The following TRIM31 variants were observed in gnomAD, a reference collection of about 807,000 sequenced individuals.
TRIM31 encodes E3 ubiquitin-protein ligase TRIM31.
A neutral mutation model predicts 40.6 loss-of-function variants in TRIM31; 31 were observed. The ratio of observed to expected loss-of-function variants is 0.76; its 90% confidence interval spans 0.57 to 1.03. The LOEUF is 1.03. Ranked by LOEUF, TRIM31 falls within the 50% of genes least tolerant of loss-of-function variation. The pLI, the probability that TRIM31 is intolerant of heterozygous loss-of-function variation, is 0.00. For missense variants in TRIM31, 455 were observed against 497.5 expected (o/e 0.91, Z 0.81); for synonymous variants, 164 against 193.9 (o/e 0.85, Z 1.28).
chr6:30,106,034 G>C (rs897945731), intron 6 of TRIM31, among the ~76,000 whole-genome samples: 2 of 152,256 alleles, frequency 1.3e-5, no homozygotes, highest in African/African-American at 4.8e-5. Flanking sequence ...CCTGCCAGAA[G>C]AGACTCCTTT....
At chr6:30,108,242 G>T in intron 5 of TRIM31, 74 bp from the exon 6 acceptor site, 2 of 1,030,238 alleles carry the variant, frequency 1.9e-6, no homozygotes, top group Non-Finnish European at 3.0e-6. Context: ...TGAGATACGC[G>T]GTTGAGAAAT....
chr6:30,109,575 A>G (rs963826180), intron 4 of TRIM31, among the ~76,000 whole-genome samples: 4 of 152,296 alleles, frequency 2.6e-5, no homozygotes, highest in Middle Eastern at 3.4e-3. Flanking sequence ...ATTTTTACTA[A>G]TTCAAATTTA....
chr6:30,108,840 A>G (rs1200486456), intron 5 of TRIM31, 186 bp downstream of exon 5: 1 of 663,124 alleles, frequency 1.5e-6, no homozygotes, highest in Non-Finnish European at 2.7e-6. Context: ...TGGTTTCTTT[A>G]ACAACCAACC....
In TRIM31 at chr6:30,103,200, G is replaced by A; in HGVS notation, c.*336C>T. 1 of 389,178 alleles carries A rather than the reference G, an allele frequency of 2.6e-6. No individual in the cohort carries two copies. The highest frequency in any genetic ancestry group is 4.7e-6 in the Non-Finnish European group (1 of 212,268). The allele number at this position is 389,178 out of a possible 1,614,324, so 24.1% of individuals were successfully genotyped here. A position where few individuals can be genotyped will look rare whatever the true frequency, so the allele number is the denominator to read the frequency against. On this transcript the variant is annotated 3_prime_UTR_variant, in exon 9 of 9. Coordinates refer to ENST00000376734, the MANE Select transcript of TRIM31 (RefSeq NM_007028.5). Reference sequence around the variant, plus strand: ...GCTGAACTGGTGCCTTCGGTAAACAGCTGCTTAAAGAGTGCGGGGACTGCT... The same window carrying A: ...GCTGAACTGGTGCCTTCGGTAAACAACTGCTTAAAGAGTGCGGGGACTGCT...
At chr6:30,110,039 A>AAC (rs1769136274) in intron 4 of TRIM31, among the ~76,000 whole-genome samples, 1 of 151,022 alleles carries the variant, frequency 6.6e-6, no homozygotes, top group African/African-American at 2.4e-5. Context: ...AAAAAAAAAA[A>AAC]AAAAAAAACC....
At chr6:30,107,822 G>A in intron 6 of TRIM31, 1 of 483,420 alleles carries the variant, frequency 2.1e-6, no homozygotes, top group Non-Finnish European at 3.8e-6. Context: ...GGCCCTCTAT[G>A]GCTCTCGCAG....
rs1562034466 is a variant in TRIM31, at chr6:30,105,248, GA to G, written c.884-7del. The G allele has an allele frequency of 6.2e-7, 1 of 1,610,966 alleles. No homozygotes were observed. The stretch of plus-strand genomic sequence containing the variant: ...CCTATCAGCCTGGAGTTGGTCTGGG[GA>G]ATAAAGAATGGGATGAAATGGTGAG... On this transcript the variant is annotated splice_region_variant and splice_polypyrimidine_tract_variant and intron_variant, in intron 6 of 8. Transcript: ENST00000376734.
intron 6 of TRIM31, among the ~76,000 whole-genome samples, chr6:30,106,433 C>G (rs1433343888): frequency 4.6e-5 from 7 of 152,194 alleles, no homozygotes; most frequent in Non-Finnish European, 7.3e-5. Context: ...GTTCCAGACC[C>G]AGTCACCCCG....
intron 5 of TRIM31, chr6:30,108,596 G>A (rs1218910138): frequency 3.0e-5 from 7 of 235,220 alleles, no homozygotes; most frequent in East Asian, 9.5e-5. Flanking sequence ...AAGACCTGGC[G>A]GTTAAGGGAT....
At chr6:30,111,585 AT>A in intron 3 of TRIM31, 62 bp downstream of exon 3, 1 of 1,524,600 alleles carries the variant, frequency 6.6e-7, no homozygotes, top group African/African-American at 1.4e-5. Flanking sequence ...GTAATAGGGG[AT>A]TCCAGGAGCT....
Position 30,112,610 on chromosome 6 carries a change from T to C in TRIM31, c.196A>G (p.Arg66Gly). 1.2e-6 allele frequency: 2 copies of C among 1,613,134 alleles called. No individual in the cohort carries two copies. Among genetic ancestry groups the C allele is most frequent in the Non-Finnish European group, 1.7e-6 (2 of 1,180,048 alleles). The change falls in exon 2 of 9, where the codon AGG becomes GGG. Residue 66 changes from arginine to glycine, a missense_variant. Physicochemically the swap from Arg to Gly is moderately radical, Grantham distance 125. Coordinates refer to ENST00000376734, the MANE Select transcript of TRIM31 (RefSeq NM_007028.5). ...CKTSVRKNAIRFNSLLRNLVE... is the reference protein window; with the variant it reads ...CKTSVRKNAIGFNSLLRNLVE... ...AGATTCCGCAACAGCGAGTTGAACC[T>C]GATTGCGTTCTTCCTTACGGAAGTT... is the stretch of plus-strand genomic sequence containing the variant.
At chr6:30,111,809 G>T in intron 2 of TRIM31, 66 bp from the exon 3 acceptor site, 2 of 1,463,110 alleles carry the variant, frequency 1.4e-6, no homozygotes, top group South Asian at 1.1e-5. Context: ...AATCCTCCTG[G>T]TCTCTTAGGA....
chr6:30,108,648 C>A (rs2021730), intron 5 of TRIM31: 8,576 of 342,474 alleles, frequency 0.025, 171 homozygotes, highest in Admixed American at 0.039. Context: ...GGATATGGGG[C>A]GGGAGTGAGG....
intron 7 of TRIM31, 67 bp from the exon 8 acceptor site, chr6:30,104,234 C>T (rs1024614152): frequency 1.3e-6 from 2 of 1,482,112 alleles, no homozygotes; most frequent in African/African-American, 2.8e-5. Context: ...AAAACAAAAA[C>T]AAGCACCCTG....
rs374614191 is a variant in TRIM31 at position 30,104,347 on chromosome 6, G to A, written c.959-180C>T. On this transcript the variant is annotated intron_variant, in intron 7 of 8. Transcript: ENST00000376734. ...GTTGTCTCAGTGACAACAAGAGTGT[G>A]GTTCTCTACTGGCTTATAGGGCTTT... is the stretch of plus-strand genomic sequence containing the variant. Among the ~76,000 whole-genome samples the A allele has an allele frequency of 2.3e-4, 35 of 152,236 alleles. 1 individual carries two copies. The East Asian group carries it at 3.1e-3, about 13-fold the overall frequency.
In TRIM31 at chr6:30,112,616, C is replaced by T. The variant is rs1432369407; in HGVS notation, c.190G>A (p.Ala64Thr). 7 of 1,612,982 alleles carry T rather than the reference C, an allele frequency of 4.3e-6. No individual in the cohort carries two copies. The highest frequency in any genetic ancestry group is 2.2e-5 in the East Asian group (1 of 44,896). The change falls in exon 2 of 9, where the codon GCA (alanine) becomes ACA (threonine). Residue 64 changes from alanine to threonine, a missense_variant. Physicochemically the swap from Ala to Thr is moderately conservative, Grantham distance 58. Transcript: ENST00000376734. The stretch of plus-strand genomic sequence containing the variant: ...CGCAACAGCGAGTTGAACCTGATTG[C>T]GTTCTTCCTTACGGAAGTTTTGCAG... ...PLCKTSVRKN[A>T]IRFNSLLRNL...
intron 6 of TRIM31, chr6:30,105,552 A>G (rs924365051): frequency 9.8e-6 from 2 of 203,898 alleles, no homozygotes; most frequent in East Asian, 1.0e-4. Flanking sequence ...GAAACTAGTA[A>G]AATTAACTTT....
At chr6:30,112,099 A>C (rs1002692055) in intron 2 of TRIM31, 1 of 556,252 alleles carries the variant, frequency 1.8e-6, no homozygotes, top group African/African-American at 1.9e-5. Context: ...AGAGAGGTAA[A>C]GTGATTCCTT....
intron 7 of TRIM31, 117 bp downstream of exon 7, chr6:30,105,051 G>T: frequency 3.5e-6 from 3 of 867,638 alleles, no homozygotes; most frequent in South Asian, 1.6e-5. Context: ...CTCTCAATTG[G>T]CTGAGGAATC....
Sources: gnomAD v4.1 joint callset for allele counts (sites outside exome capture counted in the v4.1 genomes callset) on GRCh38, gnomAD v4.1.1 for gene constraint, MANE v1.5 for transcripts, NCBI Gene and HGNC (gene_info 2026-07-23, HGNC 2026-07-21) for gene names.